HEMK2: variants seen among roughly 807,000 people sequenced by gnomAD.
HEMK2 encodes the protein HemK methyltransferase 2, ETF1 glutamine and histone H4 lysine.
At chr21:28,717,470 T>A in the HEMK2 span, among the ~76,000 whole-genome samples, 2 of 141,400 alleles carry the variant, frequency 1.4e-5, no homozygotes, top group African/African-American at 5.6e-5. Flanking sequence ...AGTTGTAATG[T>A]CATTTTAGTC....
At chr21:28,596,873 T>C in the HEMK2 span, among the ~76,000 whole-genome samples, 9 of 152,184 alleles carry the variant, frequency 5.9e-5, no homozygotes, top group Non-Finnish European at 2.9e-5. Flanking sequence ...CTCCTGGAAG[T>C]TAATAGGTCC....
chr21:28,876,625 T>G, the HEMK2 span: 2 of 543,412 alleles, frequency 3.7e-6, no homozygotes, highest in Non-Finnish European at 3.1e-6. Flanking sequence ...ATCAAATAAA[T>G]GTCTACTAAA....
the HEMK2 span, among the ~76,000 whole-genome samples, chr21:28,675,240 C>A: frequency 4.6e-5 from 7 of 151,934 alleles, no homozygotes; most frequent in Non-Finnish European, 1.0e-4. Flanking sequence ...AAATAGCAAC[C>A]TTTTGCTGCT....
the HEMK2 span, among the ~76,000 whole-genome samples, chr21:28,731,305 T>C: frequency 2.2e-3 from 342 of 152,326 alleles, 2 homozygotes; most frequent in African/African-American, 7.7e-3. Flanking sequence ...ATAGATACTA[T>C]GTAATGGAGC....
chr21:28,823,433 G>A, the HEMK2 span, among the ~76,000 whole-genome samples: 264 of 152,236 alleles, frequency 1.7e-3, 2 homozygotes, highest in African/African-American at 5.9e-3. Context: ...ACATAGATTT[G>A]GATATCACAG....
chr21:28,876,300 A>T, the HEMK2 span: 1 of 898,298 alleles, frequency 1.1e-6, no homozygotes, highest in South Asian at 2.1e-5. Context: ...TTCTGATAAA[A>T]TTCCTTGTTA....
chr21:28,618,134 G>C, the HEMK2 span, among the ~76,000 whole-genome samples: 2 of 152,134 alleles, frequency 1.3e-5, no homozygotes, highest in Non-Finnish European at 2.9e-5. Flanking sequence ...ACAGAATCAA[G>C]AGCTATCAAA....
chr21:28,719,281 A>T, the HEMK2 span, among the ~76,000 whole-genome samples: 1,154 of 152,270 alleles, frequency 7.6e-3, 14 homozygotes, highest in African/African-American at 0.026. Flanking sequence ...CTTTCAGATG[A>T]GTCCCCACCC....
the HEMK2 span, among the ~76,000 whole-genome samples, chr21:28,741,885 T>C: frequency 4.6e-5 from 7 of 152,336 alleles, no homozygotes; most frequent in African/African-American, 1.2e-4. Flanking sequence ...GTCTGTATAA[T>C]AGAATGATAT....
At chr21:28,657,324 G>T in the HEMK2 span, among the ~76,000 whole-genome samples, 2 of 152,008 alleles carry the variant, frequency 1.3e-5, no homozygotes, top group African/African-American at 4.8e-5. Context: ...CAAGTTACCT[G>T]ATCAGCTCCT....
At chr21:28,686,310 C>A in the HEMK2 span, among the ~76,000 whole-genome samples, 1 of 152,154 alleles carries the variant, frequency 6.6e-6, no homozygotes, top group Admixed American at 6.5e-5. Flanking sequence ...TCTCAGCTCA[C>A]CACAACCTCT....
At chr21:28,845,943 C>T in the HEMK2 span, among the ~76,000 whole-genome samples, 1 of 152,130 alleles carries the variant, frequency 6.6e-6, no homozygotes, top group Admixed American at 6.6e-5. Context: ...TCCAAACCCT[C>T]GTCCCACCCT....
chr21:28,811,475 GAA>G, the HEMK2 span, among the ~76,000 whole-genome samples: 1 of 151,024 alleles, frequency 6.6e-6, no homozygotes, highest in African/African-American at 2.4e-5. Flanking sequence ...GGGAGGGAAA[GAA>G]AGAAAAGAAA....
At chr21:28,670,661 G>C in the HEMK2 span, among the ~76,000 whole-genome samples, 294 of 152,304 alleles carry the variant, frequency 1.9e-3, no homozygotes, top group African/African-American at 6.7e-3. Flanking sequence ...CTGCTACAAA[G>C]AACTTCCCTG....
At chr21:28,829,252 G>T in the HEMK2 span, among the ~76,000 whole-genome samples, 1 of 152,190 alleles carries the variant, frequency 6.6e-6, no homozygotes, top group African/African-American at 2.4e-5. Flanking sequence ...TGTTAGTTGT[G>T]AGTTGCCCCT....
At chr21:28,693,480 GC>G in the HEMK2 span, among the ~76,000 whole-genome samples, 4 of 152,108 alleles carry the variant, frequency 2.6e-5, no homozygotes, top group Non-Finnish European at 5.9e-5. Flanking sequence ...TTTCTGCCAA[GC>G]CCCCAAAAGA....
At chr21:28,867,379 T>C in the HEMK2 span, among the ~76,000 whole-genome samples, 1 of 152,250 alleles carries the variant, frequency 6.6e-6, no homozygotes, top group East Asian at 1.9e-4. Flanking sequence ...AATCTTTTTA[T>C]AATCTATAAA....
At chr21:28,876,518 C>T in the HEMK2 span, 2 of 1,488,936 alleles carry the variant, frequency 1.3e-6, no homozygotes, top group Non-Finnish European at 1.9e-6. Flanking sequence ...AAGGTAAAAT[C>T]CATTAAGCCA....
the HEMK2 span, among the ~76,000 whole-genome samples, chr21:28,650,284 A>G: frequency 1.3e-5 from 2 of 152,122 alleles, no homozygotes; most frequent in Non-Finnish European, 2.9e-5. Context: ...AATAGCAGCT[A>G]CCTGGGAGGC....
Sources: gnomAD v4.1 joint callset for allele counts (sites outside exome capture counted in the v4.1 genomes callset) on GRCh38, gnomAD v4.1.1 for gene constraint, MANE v1.5 for transcripts, NCBI Gene and HGNC (gene_info 2026-07-23, HGNC 2026-07-21) for gene names.